ERBB4: variants seen among roughly 807,000 people sequenced by gnomAD.
The protein encoded by ERBB4 is receptor tyrosine-protein kinase erbB-4.
Under a neutral mutation model 158.0 loss-of-function variants are expected in ERBB4, and 42 were observed. That is an observed-to-expected ratio of 0.27 (90% CI 0.21 to 0.34). The LOEUF is 0.34. ERBB4 is among the 10% of genes least tolerant of loss of function. The probability of loss-of-function intolerance (pLI) is 1.00; values close to 1 mark genes in which losing one functional copy is unlikely to be tolerated. For missense variants in ERBB4, 1,333 were observed against 1,624.1 expected (o/e 0.82, Z 3.08); for synonymous variants, 583 against 558.7 (o/e 1.04, Z -0.61).
intron 5 of ERBB4, among the ~76,000 whole-genome samples, chr2:211,738,474 T>TTC (rs1425911999): frequency 6.7e-6 from 1 of 150,358 alleles, no homozygotes; most frequent in Non-Finnish European, 1.5e-5. Context: ...GTTCAAGGGA[T>TTC]TCTCCTGCCT....
intron 4 of ERBB4, among the ~76,000 whole-genome samples, chr2:211,760,774 C>T (rs560072471): frequency 6.6e-6 from 1 of 152,364 alleles, no homozygotes; most frequent in African/African-American, 2.4e-5. Context: ...TCAACATCAT[C>T]AACCTCACCA....
intron 1 of ERBB4, among the ~76,000 whole-genome samples, chr2:212,403,648 G>A (rs1302381601): frequency 1.3e-5 from 2 of 151,958 alleles, no homozygotes; most frequent in South Asian, 2.1e-4. Flanking sequence ...CAAATACTGC[G>A]TGGGACAATT....
intron 5 of ERBB4, among the ~76,000 whole-genome samples, chr2:211,737,195 T>A (rs1457374575): frequency 6.6e-6 from 1 of 152,166 alleles, no homozygotes; most frequent in Non-Finnish European, 1.5e-5. Flanking sequence ...ATCCCTATTA[T>A]GGTTCCACAC....
At chr2:212,349,340 G>A (rs1373318537) in intron 1 of ERBB4, among the ~76,000 whole-genome samples, 2 of 150,784 alleles carry the variant, frequency 1.3e-5, no homozygotes, top group Admixed American at 6.6e-5. Context: ...GTGTTTGACA[G>A]CCCTGCTGTG....
At chr2:212,311,884 G>C (rs2087059535) in intron 1 of ERBB4, among the ~76,000 whole-genome samples, 1 of 150,928 alleles carries the variant, frequency 6.6e-6, no homozygotes, top group African/African-American at 2.4e-5. Context: ...AAATCTATTA[G>C]AGCAAACATA....
intron 3 of ERBB4, 67 bp downstream of exon 3, chr2:211,947,363 C>A (rs909370449): frequency 2.4e-6 from 3 of 1,251,842 alleles, no homozygotes; most frequent in Admixed American, 3.4e-5. Context: ...ATGACAGTAA[C>A]CCTACATATA....
intron 20 of ERBB4, among the ~76,000 whole-genome samples, chr2:211,505,119 A>G (rs774961597): frequency 1.3e-5 from 2 of 152,080 alleles, no homozygotes; most frequent in Non-Finnish European, 2.9e-5. Context: ...AAGATACTAT[A>G]TAAGATGAAC....
chr2:212,108,706 C>CTTT (rs775193964), intron 2 of ERBB4, among the ~76,000 whole-genome samples: 7,887 of 96,942 alleles, frequency 0.081, 1,337 homozygotes, highest in African/African-American at 0.29. Flanking sequence ...AATGGGTCTG[C>CTTT]TTTTTTTTTT....
chr2:212,080,199 C>T (rs2078394523), intron 2 of ERBB4, among the ~76,000 whole-genome samples: 1 of 151,740 alleles, frequency 6.6e-6, no homozygotes, highest in African/African-American at 2.4e-5. Flanking sequence ...GTAATCTCAG[C>T]TACTCAGGAA....
At chr2:212,070,727 A>G in intron 2 of ERBB4, among the ~76,000 whole-genome samples, 1 of 85,838 alleles carries the variant, frequency 1.2e-5, no homozygotes, top group African/African-American at 2.6e-5. Flanking sequence ...AAAAGCTCAA[A>G]CTATAAAACA....
intron 23 of ERBB4, among the ~76,000 whole-genome samples, chr2:211,422,379 G>C (rs1416725436): frequency 6.6e-6 from 1 of 150,770 alleles, no homozygotes; most frequent in Non-Finnish European, 1.5e-5. Flanking sequence ...TTATTATTTT[G>C]TATTAGGAGT....
At chr2:211,737,369 C>T (rs2074634726) in intron 5 of ERBB4, among the ~76,000 whole-genome samples, 1 of 152,122 alleles carries the variant, frequency 6.6e-6, no homozygotes, top group Non-Finnish European at 1.5e-5. Flanking sequence ...ATCTCATATT[C>T]TCCTCCTTCA....
intron 20 of ERBB4, among the ~76,000 whole-genome samples, chr2:211,459,282 G>A (rs2064466475): frequency 2.6e-5 from 4 of 152,130 alleles, no homozygotes; most frequent in Admixed American, 2.6e-4. Context: ...ATGCAATGTG[G>A]TCAACCAACT....
chr2:212,063,217 CAAT>C (rs1216853227), intron 2 of ERBB4, among the ~76,000 whole-genome samples: 1 of 151,884 alleles, frequency 6.6e-6, no homozygotes, highest in East Asian at 1.9e-4. Flanking sequence ...AATGATCTAA[CAAT>C]AATGTGTTCC....
chr2:211,731,214 T>G (rs1166034477), intron 5 of ERBB4, among the ~76,000 whole-genome samples: 3 of 152,176 alleles, frequency 2.0e-5, no homozygotes, highest in Non-Finnish European at 4.4e-5. Flanking sequence ...AATCCCCAAT[T>G]GCACTGCTAA....
At chr2:211,986,090 G>C (rs1410843739) in intron 2 of ERBB4, among the ~76,000 whole-genome samples, 1 of 152,174 alleles carries the variant, frequency 6.6e-6, no homozygotes. Flanking sequence ...TGAAGATGGA[G>C]GCAGAGGCTG....
intron 2 of ERBB4, among the ~76,000 whole-genome samples, chr2:212,022,037 G>T (rs1030221792): frequency 6.6e-6 from 1 of 152,152 alleles, no homozygotes; most frequent in Non-Finnish European, 1.5e-5. Context: ...TGCTGGCAAG[G>T]TTTCAGAGAA....
At position 211,929,267 on chromosome 2, in the gene ERBB4, C is replaced by CAG. The variant is rs140448083; in HGVS notation, c.421+18161_421+18162dup. On this transcript the variant is annotated intron_variant, in intron 3 of 27. Coordinates refer to ENST00000342788, the MANE Select transcript of ERBB4 (RefSeq NM_005235.3). ...TGTGTGTGTGTGTGTGTGTGTGTGA[C>CAG]AGAGAGAGAGAGAGAGAGACAGAGA... Among the ~76,000 whole-genome samples, 1,215 of 141,226 alleles carry CAG rather than the reference C, an allele frequency of 8.6e-3. 11 individuals are homozygous for CAG. The highest frequency in any genetic ancestry group is 0.029 in the African/African-American group (1,098 of 38,078). The allele number at this position is 141,226 out of a possible 152,430, so 92.6% of individuals were successfully genotyped here. A position where few individuals can be genotyped will look rare whatever the true frequency, so the allele number is the denominator to read the frequency against.
chr2:211,459,144 C>T (rs2064462715), intron 20 of ERBB4, among the ~76,000 whole-genome samples: 1 of 152,114 alleles, frequency 6.6e-6, no homozygotes, highest in Non-Finnish European at 1.5e-5. Flanking sequence ...AAATAATTGA[C>T]TGATTATATA....
Sources: allele counts gnomAD v4.1 joint callset (sites outside exome capture counted in the v4.1 genomes callset), GRCh38; gene constraint gnomAD v4.1.1; transcripts MANE v1.5; gene names NCBI Gene and HGNC (gene_info 2026-07-23, HGNC 2026-07-21).